Variants in KCNQ5 observed in about 807,000 individuals in gnomAD.
The protein encoded by KCNQ5 is potassium voltage-gated channel subfamily KQT member 5.
Under a neutral mutation model 98.2 loss-of-function variants are expected in KCNQ5, and 30 were observed. That is an observed-to-expected ratio of 0.31 (90% CI 0.23 to 0.41). KCNQ5 has a LOEUF of 0.41. Ranked by LOEUF, KCNQ5 falls within the 10% of genes least tolerant of loss-of-function variation. The pLI is 1.00. For missense variants in KCNQ5, 835 were observed against 1,182.5 expected, an observed-to-expected ratio of 0.71 and a Z score of 4.31; for synonymous variants, 458 against 449.4, an observed-to-expected ratio of 1.02 and a Z score of -0.24.
At chr6:72,854,640 C>G (rs1777441192) in intron 1 of KCNQ5, among the ~76,000 whole-genome samples, 1 of 150,722 alleles carries the variant, frequency 6.6e-6, no homozygotes, top group South Asian at 2.1e-4. Flanking sequence ...TTCTATTCAT[C>G]TTTTTTATAA....
At chr6:72,829,981 C>A (rs545857443) in intron 1 of KCNQ5, among the ~76,000 whole-genome samples, 1 of 152,178 alleles carries the variant, frequency 6.6e-6, no homozygotes, top group South Asian at 2.1e-4. Flanking sequence ...TTCCCATTCA[C>A]AATTGCTTCA....
At chr6:72,860,867 G>GTA (rs1392559583) in intron 1 of KCNQ5, among the ~76,000 whole-genome samples, 1 of 151,478 alleles carries the variant, frequency 6.6e-6, no homozygotes, top group Admixed American at 6.6e-5. Flanking sequence ...GTGTGTGTGT[G>GTA]TGTGTGTATG....
chr6:72,867,949 A>C (rs2995347), intron 1 of KCNQ5, among the ~76,000 whole-genome samples: 39,753 of 146,914 alleles, frequency 0.27, 5,594 homozygotes, highest in Non-Finnish European at 0.31. Flanking sequence ...AATAATACTA[A>C]TACTACTACT....
intron 1 of KCNQ5, among the ~76,000 whole-genome samples, chr6:72,671,817 T>A (rs1483251683): frequency 7.1e-6 from 1 of 141,538 alleles, no homozygotes. Context: ...TCACCAGAAA[T>A]TTTTTTTTTT....
chr6:72,709,880 C>A (rs1769277116), intron 1 of KCNQ5, among the ~76,000 whole-genome samples: 1 of 152,084 alleles, frequency 6.6e-6, no homozygotes, highest in African/African-American at 2.4e-5. Context: ...GAATATAGTA[C>A]CTGAACCCAT....
At chr6:73,161,607 A>G (rs1777617526) in intron 10 of KCNQ5, among the ~76,000 whole-genome samples, 1 of 152,254 alleles carries the variant, frequency 6.6e-6, no homozygotes, top group African/African-American at 2.4e-5. Flanking sequence ...TCTATGTATC[A>G]ATGAAAAATA....
chr6:72,754,184 G>C (rs1036638509), intron 1 of KCNQ5, among the ~76,000 whole-genome samples: 1 of 152,036 alleles, frequency 6.6e-6, no homozygotes, highest in African/African-American at 2.4e-5. Context: ...TTTTCAGGTT[G>C]AGGAAGTTCC....
At chr6:72,919,476 T>C (rs1780298681) in intron 1 of KCNQ5, among the ~76,000 whole-genome samples, 1 of 152,172 alleles carries the variant, frequency 6.6e-6, no homozygotes, top group African/African-American at 2.4e-5. Flanking sequence ...CATCTTATTC[T>C]CAAAACAAGT....
At position 73,189,374 on chromosome 6, in the gene KCNQ5, T is replaced by G. The variant is rs140932180; in HGVS notation, c.1578-1199T>G. 4.8e-3 allele frequency among the ~76,000 whole-genome samples: 727 copies of G among 152,308 alleles called. 7 individuals carry two copies. The highest frequency in any genetic ancestry group is 0.016 in the African/African-American group (654 of 41,570). ...TGATTCAGGAATAATTAGGATATAA[T>G]TAATTGAAAGTTAATAATACAATTG... On this transcript the variant is annotated intron_variant, in intron 11 of 13. Coordinates refer to ENST00000370398, the MANE Select transcript of KCNQ5 (RefSeq NM_019842.4).
At chr6:73,188,575 T>C (rs1582509616) in intron 11 of KCNQ5, among the ~76,000 whole-genome samples, 2 of 152,228 alleles carry the variant, frequency 1.3e-5, no homozygotes, top group Non-Finnish European at 1.5e-5. Flanking sequence ...CTTCCTCCTC[T>C]TATTCAACAA....
intron 1 of KCNQ5, among the ~76,000 whole-genome samples, chr6:72,683,647 G>T (rs577282798): frequency 6.6e-6 from 1 of 151,854 alleles, no homozygotes; most frequent in Admixed American, 6.6e-5. Flanking sequence ...GATTACAGGC[G>T]TGAGCTACTG....
chr6:72,949,898 TAAG>T (rs1766720297), intron 1 of KCNQ5, among the ~76,000 whole-genome samples: 1 of 152,202 alleles, frequency 6.6e-6, no homozygotes, highest in Non-Finnish European at 1.5e-5. Flanking sequence ...TTTAACCATG[TAAG>T]AAGAACAAAA....
intron 3 of KCNQ5, among the ~76,000 whole-genome samples, chr6:73,056,090 C>A (rs1935541): frequency 1.3e-5 from 2 of 152,110 alleles, no homozygotes; most frequent in South Asian, 2.1e-4. Context: ...AAAAGCCCCC[C>A]TTATCCAAGA....
chr6:72,698,632 T>G (rs1768631289), intron 1 of KCNQ5, among the ~76,000 whole-genome samples: 1 of 114,964 alleles, frequency 8.7e-6, no homozygotes. Context: ...TAAATCTGTG[T>G]TTTTTTCTTC....
At chr6:72,948,435 A>T (rs2150249895) in intron 1 of KCNQ5, among the ~76,000 whole-genome samples, 1 of 152,038 alleles carries the variant, frequency 6.6e-6, no homozygotes, top group Non-Finnish European at 1.5e-5. Flanking sequence ...AAACTGTTTT[A>T]TTCAGTTTTG....
chr6:72,633,214 C>T lies in KCNQ5; in HGVS notation c.398+10627C>T, dbSNP rs886182851. ...GAGCATTTTTTCATATGCTTGGGGG[C>T]CACTCGTATGTCTTCTTTTGAGAAG... On this transcript the variant is annotated intron_variant, in intron 1 of 13. Transcript: ENST00000370398. Among the ~76,000 whole-genome samples, 59 of 152,160 alleles carry T rather than the reference C, an allele frequency of 3.9e-4. 1 individual carries two copies. Among genetic ancestry groups the T allele is most frequent in the African/African-American group, 1.3e-3 (56 of 41,504 alleles).
chr6:73,159,418 TCTGTACAACAAAC>T (rs1777522946), intron 10 of KCNQ5, among the ~76,000 whole-genome samples: 1 of 152,148 alleles, frequency 6.6e-6, no homozygotes, highest in South Asian at 2.1e-4. Context: ...GATTAAATAA[TCTGTACAACAAAC>T]CTGAGTTTAC....
intron 11 of KCNQ5, among the ~76,000 whole-genome samples, chr6:73,185,260 T>A (rs1041829755): frequency 2.0e-5 from 3 of 152,150 alleles, no homozygotes; most frequent in African/African-American, 7.2e-5. Context: ...AGGCTCACTG[T>A]AGCCTCGACC....
intron 9 of KCNQ5, among the ~76,000 whole-genome samples, chr6:73,131,012 G>GAA (rs1248737004): frequency 1.3e-5 from 2 of 152,050 alleles, no homozygotes; most frequent in East Asian, 3.8e-4. Flanking sequence ...GGACAAAAGG[G>GAA]AAATGTTACT....
Sources: gnomAD v4.1 joint callset for allele counts (sites outside exome capture counted in the v4.1 genomes callset) on GRCh38, gnomAD v4.1.1 for gene constraint, MANE v1.5 for transcripts, NCBI Gene and HGNC (gene_info 2026-07-23, HGNC 2026-07-21) for gene names.